ALKBH1: variants seen among roughly 807,000 people sequenced by gnomAD.
ALKBH1 encodes the protein nucleic acid dioxygenase ALKBH1.
Under a neutral mutation model 36.6 loss-of-function variants are expected in ALKBH1, and 31 were observed. The ratio of observed to expected loss-of-function variants is 0.85; its 90% CI spans 0.64 to 1.14. The LOEUF is 1.14. ALKBH1 is among the 50% of genes most tolerant of loss of function. The probability of loss-of-function intolerance (pLI) is 0.00; values close to 1 mark genes in which losing one functional copy is unlikely to be tolerated. For synonymous variants in ALKBH1, 183 were observed against 186.6 expected (o/e 0.98, Z 0.16); for missense variants, 490 against 497.3 (o/e 0.99, Z 0.14).
intron 3 of ALKBH1, among the ~76,000 whole-genome samples, chr14:77,685,984 C>G (rs1319342870): frequency 6.6e-6 from 1 of 151,986 alleles, no homozygotes; most frequent in Non-Finnish European, 1.5e-5. Context: ...GTGCATTAGA[C>G]CCTCATTTTA....
intron 4 of ALKBH1, 149 bp downstream of exon 4, chr14:77,679,731 C>A (rs989053136): frequency 1.3e-5 from 8 of 617,080 alleles, no homozygotes; most frequent in African/African-American, 9.3e-5. Flanking sequence ...GCACCTGGCC[C>A]AGTTGAGATT....
intron 1 of ALKBH1, 113 bp downstream of exon 1, chr14:77,707,709 A>C: frequency 1.6e-6 from 2 of 1,252,724 alleles, no homozygotes; most frequent in Non-Finnish European, 2.2e-6. Flanking sequence ...GGAGGTCAGG[A>C]ATCGTTCAAT....
chr14:77,702,272 G>C (rs2080363618), intron 2 of ALKBH1, among the ~76,000 whole-genome samples: 1 of 152,138 alleles, frequency 6.6e-6, no homozygotes, highest in Non-Finnish European at 1.5e-5. Context: ...CTGCACTCCA[G>C]CCTAGGCGAC....
intron 3 of ALKBH1, among the ~76,000 whole-genome samples, chr14:77,682,922 C>G (rs1338737937): frequency 6.6e-6 from 1 of 152,156 alleles, no homozygotes; most frequent in Non-Finnish European, 1.5e-5. Context: ...ATCTTGAACT[C>G]CTGACCTCAG....
rs377296685 is a variant in ALKBH1 at position 77,674,093 on chromosome 14, C to T, written c.889G>A (p.Glu297Lys). 1.2e-6 allele frequency: 2 copies of T among 1,614,056 alleles called. No homozygotes were observed. Among genetic ancestry groups the T allele is most frequent in the African/African-American group, 2.7e-5 (2 of 74,912 alleles). ...HAVPRVLPNP[E>K]GEGLPHCLEA... ...AGGCAGTGAGGCAGGCCTTCCCCTT[C>T]TGGATTTGGAAGGACACGAGGGACT... Residue 297 changes from glutamate to lysine, a missense_variant, in exon 6 of 6, where the codon GAA becomes AAA. Physicochemically the swap from Glu to Lys is moderately conservative, Grantham distance 56. Transcript: ENST00000216489.
rs76338335 is a variant in ALKBH1 at position 77,684,915 on chromosome 14, A to G, written c.456-4945T>C. 7.1e-3 allele frequency among the ~76,000 whole-genome samples: 1,085 copies of G among 152,264 alleles called. 16 individuals are homozygous for G. Among genetic ancestry groups the G allele is most frequent in the African/African-American group, 0.025 (1,050 of 41,540 alleles). ...GATCTGAAACAATAAACATAACAATAATGCTGCTTTGGAAATAATTCAAAA... is the reference window on the plus strand; with the variant it reads ...GATCTGAAACAATAAACATAACAATGATGCTGCTTTGGAAATAATTCAAAA... On this transcript the variant is annotated intron_variant, in intron 3 of 5. Coordinates refer to ENST00000216489, the MANE Select transcript of ALKBH1 (RefSeq NM_006020.3).
intron 3 of ALKBH1, among the ~76,000 whole-genome samples, chr14:77,689,769 A>T (rs1289217561): frequency 1.3e-5 from 2 of 152,200 alleles, no homozygotes; most frequent in Admixed American, 6.5e-5. Flanking sequence ...CATATACATA[A>T]AAATAGAGTA....
intron 3 of ALKBH1, among the ~76,000 whole-genome samples, chr14:77,690,124 C>A (rs946616961): frequency 1.3e-5 from 2 of 151,616 alleles, no homozygotes; most frequent in Non-Finnish European, 2.9e-5. Context: ...TTACAAGAAG[C>A]AAGACACTGT....
chr14:77,682,431 G>A (rs1254351260), intron 3 of ALKBH1, among the ~76,000 whole-genome samples: 1 of 152,122 alleles, frequency 6.6e-6, no homozygotes, highest in African/African-American at 2.4e-5. Context: ...ACCTTATAGA[G>A]GTGATCCATT....
chr14:77,694,358 C>T (rs1198999491), intron 3 of ALKBH1, among the ~76,000 whole-genome samples: 5 of 152,150 alleles, frequency 3.3e-5, no homozygotes, highest in African/African-American at 1.2e-4. Flanking sequence ...CTGAATCCAT[C>T]TAGGAGGGTA....
intron 4 of ALKBH1, among the ~76,000 whole-genome samples, chr14:77,678,562 C>A (rs201612724): frequency 0.014 from 1,906 of 140,688 alleles, 46 homozygotes; most frequent in African/African-American, 0.047. Flanking sequence ...AAAAAAAAAA[C>A]AGACAAAGTA....
At chr14:77,687,996 G>C (rs2080277597) in intron 3 of ALKBH1, among the ~76,000 whole-genome samples, 1 of 152,084 alleles carries the variant, frequency 6.6e-6, no homozygotes. Flanking sequence ...ATCTCCACCT[G>C]GATACCCTAC....
chr14:77,689,843 A>C (rs969692136), intron 3 of ALKBH1, among the ~76,000 whole-genome samples: 1 of 147,650 alleles, frequency 6.8e-6, no homozygotes, highest in African/African-American at 2.6e-5. Context: ...TGTTGCACTT[A>C]ATTAAAAAAA....
intron 1 of ALKBH1, among the ~76,000 whole-genome samples, chr14:77,706,692 T>C (rs934730655): frequency 2.6e-5 from 4 of 152,246 alleles, no homozygotes; most frequent in African/African-American, 4.8e-5. Context: ...TATGGTAAAA[T>C]GTAGGTAAAA....
intron 3 of ALKBH1, among the ~76,000 whole-genome samples, chr14:77,689,798 A>C (rs1313653007): frequency 1.3e-5 from 2 of 152,220 alleles, no homozygotes; most frequent in African/African-American, 4.8e-5. Context: ...GCTAATTTAC[A>C]GAACAAATAA....
chr14:77,707,922 C>T lies in ALKBH1; in HGVS notation c.83G>A (p.Arg28His). 1.2e-6 allele frequency: 2 copies of T among 1,613,342 alleles called. No homozygotes were observed. Among genetic ancestry groups the T allele is most frequent in the Non-Finnish European group, 1.7e-6 (2 of 1,179,982 alleles). ...CCCGGGCCGGCTCTGACGGTAGAAG[C>T]GGAAAAGTTTCCGAAAGGCGTCCTC... ...PGEDAFRKLF[R>H]FYRQSRPGTA... is the part of the protein sequence containing the mutation. Residue 28 changes from arginine to histidine, a missense_variant, in exon 1 of 6, where the codon CGC becomes CAC. Arg to His is a conservative substitution (Grantham distance 29, BLOSUM62 0). Transcript: ENST00000216489.
chr14:77,681,878 A>G (rs1160653575), intron 3 of ALKBH1, among the ~76,000 whole-genome samples: 1 of 152,208 alleles, frequency 6.6e-6, no homozygotes, highest in Non-Finnish European at 1.5e-5. Context: ...GTCACAACCC[A>G]TTGCCATATC....
At chr14:77,677,026 T>C (rs1012706174) in intron 4 of ALKBH1, among the ~76,000 whole-genome samples, 1 of 151,976 alleles carries the variant, frequency 6.6e-6, no homozygotes. Context: ...AAAAAAAATA[T>C]ATCAAAGGCC....
chr14:77,694,399 T>C (rs534925006), intron 3 of ALKBH1, among the ~76,000 whole-genome samples: 4 of 152,274 alleles, frequency 2.6e-5, no homozygotes, highest in Non-Finnish European at 5.9e-5. Flanking sequence ...TTACCTTTCC[T>C]AGGATACCAA....
Sources: allele counts gnomAD v4.1 joint callset (sites outside exome capture counted in the v4.1 genomes callset), GRCh38; gene constraint gnomAD v4.1.1; transcripts MANE v1.5; gene names NCBI Gene and HGNC (gene_info 2026-07-23, HGNC 2026-07-21).